Variants in USP36 observed in about 807,000 individuals in gnomAD.
USP36 encodes the protein ubiquitin carboxyl-terminal hydrolase 36.
Under a neutral mutation model 111.5 loss-of-function variants are expected in USP36, and 59 were observed. The observed-to-expected ratio is 0.53, with a 90% CI of 0.43 to 0.66. USP36 has a LOEUF of 0.66. USP36 is among the 30% of genes least tolerant of loss of function. The probability of loss-of-function intolerance (pLI) is 0.00; values close to 1 mark genes in which losing one functional copy is unlikely to be tolerated. For synonymous variants in USP36, 628 were observed against 581.0 expected (o/e 1.08, Z -1.16); for missense variants, 1,488 against 1,468.0 (o/e 1.01, Z -0.22).
At position 78,796,409 on chromosome 17, in the gene USP36, G is replaced by A. The variant is rs1467101150; in HGVS notation, c.*1491C>T. 1 of 152,110 alleles carries A rather than the reference G, an allele frequency of 6.6e-6. No homozygotes were observed. Among genetic ancestry groups the A allele is most frequent in the Admixed American group, 6.6e-5 (1 of 15,266 alleles). The allele number at this position is 152,110 out of a possible 1,614,324, so 9.4% of individuals were successfully genotyped here. A position where few individuals can be genotyped will look rare whatever the true frequency, so the allele number is the denominator to read the frequency against. On this transcript the variant is annotated 3_prime_UTR_variant, in exon 21 of 21. Transcript: ENST00000449938. ...CTCATCTTTGAACATTCAGAGACTG[G>A]TCCGCAGGAGAGGGCACCCTGAGCA... is the stretch of plus-strand genomic sequence containing the variant.
At chr17:78,838,394 CA>C (rs2068905367) in intron 2 of USP36, among the ~76,000 whole-genome samples, 192 bp downstream of exon 2, 1 of 132,890 alleles carries the variant, frequency 7.5e-6, no homozygotes, top group African/African-American at 2.9e-5. Context: ...AAACAAAAAA[CA>C]AAAAACTTCT....
intron 6 of USP36, among the ~76,000 whole-genome samples, chr17:78,822,387 C>A (rs1446405835): frequency 2.0e-5 from 3 of 152,154 alleles, no homozygotes; most frequent in Non-Finnish European, 2.9e-5. Context: ...GGCCAAACAT[C>A]CCCCTGAGCT....
Position 78,816,380 on chromosome 17 carries a change from C to T in USP36, c.1024-1828G>A, listed in dbSNP as rs375786168. Among the ~76,000 whole-genome samples the T allele has an allele frequency of 3.3e-5, 5 of 152,036 alleles. 1 individual carries two copies. In the East Asian group the frequency reaches 7.7e-4, roughly 23 times the overall value. The stretch of plus-strand genomic sequence containing the variant: ...ATGGCTCACACCTATAATCCCAACA[C>T]TTTGGGAGGCCGAGGTGGGTGGATC... On this transcript the variant is annotated intron_variant, in intron 10 of 20. Coordinates refer to ENST00000449938, the MANE Select transcript of USP36 (RefSeq NM_001385174.1).
chr17:78,827,349 T>C lies in USP36; in HGVS notation c.587-2A>G. ...CAAAGCGGAAGTGTCGGGCGATCTC[T>C]AAAAGAGGAAGAAACAGGGAGGGAA... On this transcript the variant is annotated splice_acceptor_variant, in intron 5 of 20. Transcript: ENST00000449938. LOFTEE classifies it high-confidence loss of function. 3 of 1,608,032 alleles carry C rather than the reference T, an allele frequency of 1.9e-6. No homozygotes were observed. Among genetic ancestry groups the C allele is most frequent in the Non-Finnish European group, 2.6e-6 (3 of 1,175,598 alleles).
intron 13 of USP36, among the ~76,000 whole-genome samples, chr17:78,808,025 A>T (rs760410913): frequency 6.6e-6 from 1 of 152,310 alleles, no homozygotes; most frequent in South Asian, 2.1e-4. Flanking sequence ...CTTTATGGCC[A>T]CCTTTACTAT....
At chr17:78,822,065 C>G (rs188033465) in intron 6 of USP36, 61 bp from the exon 7 acceptor site, 1 of 1,595,426 alleles carries the variant, frequency 6.3e-7, no homozygotes, top group Non-Finnish European at 8.6e-7. Context: ...AGGGATGGCC[C>G]CATCCCAGCA....
intron 5 of USP36, among the ~76,000 whole-genome samples, chr17:78,828,324 A>C (rs1282943987): frequency 6.6e-6 from 1 of 152,234 alleles, no homozygotes; most frequent in African/African-American, 2.4e-5. Context: ...AAAACCGGTA[A>C]TAGGCCTCTT....
chr17:78,838,837 G>C (rs2068965390), intron 1 of USP36, 87 bp from the exon 2 acceptor site: 1 of 152,212 alleles, frequency 6.6e-6, no homozygotes. Context: ...GGCGCGCACC[G>C]GGAACCCTCT....
At chr17:78,800,684 G>C (rs544958957) in intron 17 of USP36, among the ~76,000 whole-genome samples, 1 of 152,236 alleles carries the variant, frequency 6.6e-6, no homozygotes, top group South Asian at 2.1e-4. Context: ...CCTGCCCTTG[G>C]GTCTGGTGCC....
At chr17:78,799,609 C>CCCT (rs2093690429) in intron 18 of USP36, 58 bp downstream of exon 18, 2 of 1,515,470 alleles carry the variant, frequency 1.3e-6, no homozygotes, top group Non-Finnish European at 1.8e-6. Flanking sequence ...CCACACCCTT[C>CCCT]CCTCCTACAA....
intron 3 of USP36, among the ~76,000 whole-genome samples, chr17:78,790,262 G>GT (rs2093571894): frequency 6.6e-6 from 1 of 151,080 alleles, no homozygotes; most frequent in Non-Finnish European, 1.5e-5. Context: ...GCTAATTTTT[G>GT]TATTTTTAGT....
Position 78,803,988 on chromosome 17 carries a change from C to A in USP36, c.2217-10G>T. 3.8e-6 allele frequency: 6 copies of A among 1,565,604 alleles called. No individual in the cohort carries two copies. Among genetic ancestry groups the A allele is most frequent in the South Asian group, 1.1e-5 (1 of 87,056 alleles). ...AGCAGGTGACACAGCCCTGTGGGGA[C>A]AGCCAGGAAACAGGGAGAGGATGTT... is the stretch of plus-strand genomic sequence containing the variant. On this transcript the variant is annotated splice_polypyrimidine_tract_variant and intron_variant, in intron 15 of 20. Coordinates refer to ENST00000449938, the MANE Select transcript of USP36 (RefSeq NM_001385174.1). The surrounding 1 kb of genome is among the most constrained non-coding windows in gnomAD (Gnocchi z 4.6).
chr17:78,794,278 G>A (rs1295577143), downstream of USP36, among the ~76,000 whole-genome samples: 1 of 152,166 alleles, frequency 6.6e-6, no homozygotes, highest in African/African-American at 2.4e-5. Flanking sequence ...TCCACTATCA[G>A]CCTCAGGAGT....
chr17:78,791,705 G>T (rs965459370), downstream of USP36, among the ~76,000 whole-genome samples: 1 of 152,186 alleles, frequency 6.6e-6, no homozygotes, highest in Non-Finnish European at 1.5e-5. Context: ...AGGCAGGGGG[G>T]ATCTGGATCA....
At position 78,802,551 on chromosome 17, in the gene USP36, A is replaced by T. The variant is rs1319420324; in HGVS notation, c.2811-16T>A. ...GGGAGAGCAGCTGCTTGGAAGTGAG[A>T]GGCAGCAGTCAGCTCTGAGCAAATT... On this transcript the variant is annotated splice_polypyrimidine_tract_variant and intron_variant, in intron 16 of 20. Transcript: ENST00000449938. 6.3e-7 allele frequency: 1 copy of T among 1,597,988 alleles called. No individual in the cohort carries two copies. Among genetic ancestry groups the T allele is most frequent in the Non-Finnish European group, 8.5e-7 (1 of 1,177,660 alleles).
intron 10 of USP36, among the ~76,000 whole-genome samples, chr17:78,817,308 G>C (rs2145322604): frequency 6.6e-6 from 1 of 152,312 alleles, no homozygotes; most frequent in East Asian, 1.9e-4. Flanking sequence ...CACGACACCT[G>C]AGTCTACGAC....
chr17:78,806,908 C>G, intron 14 of USP36, 51 bp downstream of exon 14: 3 of 1,588,388 alleles, frequency 1.9e-6, no homozygotes, highest in Non-Finnish European at 2.6e-6. Context: ...AACCAAGCAA[C>G]TCTTGGAGCT....
intron 6 of USP36, 127 bp from the exon 7 acceptor site, chr17:78,822,131 C>T (rs2094344731): frequency 9.7e-7 from 1 of 1,034,204 alleles, no homozygotes; most frequent in Admixed American, 2.1e-5. Flanking sequence ...CCACCCCCCA[C>T]CCGAGTCACC....
chr17:78,824,122 C>T (rs544420278), intron 6 of USP36, among the ~76,000 whole-genome samples: 1 of 152,288 alleles, frequency 6.6e-6, no homozygotes, highest in African/African-American at 2.4e-5. Context: ...CCTGGAGGAA[C>T]TTATGAGAGG....
Sources: gnomAD v4.1 joint callset for allele counts (sites outside exome capture counted in the v4.1 genomes callset) on GRCh38, gnomAD v4.1.1 for gene constraint, Gnocchi (gnomAD v3.1) non-coding constraint, MANE v1.5 for transcripts, NCBI Gene and HGNC (gene_info 2026-07-23, HGNC 2026-07-21) for gene names.